Variants in FOXB1 observed in about 807,000 individuals in gnomAD.
FOXB1 encodes forkhead box B1.
A neutral mutation model predicts 18.6 loss-of-function variants in FOXB1; 6 were observed. The ratio of observed to expected loss-of-function variants is 0.32; its 90% CI spans 0.18 to 0.64. The LOEUF is 0.64. Ranked by LOEUF, FOXB1 falls within the 30% of genes least tolerant of loss-of-function variation. The pLI is 0.78. For synonymous variants in FOXB1, 213 were observed against 216.0 expected (o/e 0.99, Z 0.12); for missense variants, 419 against 463.6 (o/e 0.90, Z 0.88).
Position 60,004,931 on chromosome 15 carries a change from C to G in FOXB1, c.-33C>G, listed in dbSNP as rs889259890. The G allele has an allele frequency of 6.3e-7, 1 of 1,586,774 alleles. No individual in the cohort carries two copies. The highest frequency in any genetic ancestry group is 1.3e-5 in the African/African-American group (1 of 74,212). Reference sequence around the variant, plus strand: ...GATCCGAGCAGTCCGCCGGCCCGCGCGGACCCAGAGCAAGAAGAGGGCGAG... The same window carrying G: ...GATCCGAGCAGTCCGCCGGCCCGCGGGGACCCAGAGCAAGAAGAGGGCGAG... On this transcript the variant is annotated 5_prime_UTR_variant, in exon 2 of 2. Transcript: ENST00000396057.
Position 60,006,148 on chromosome 15 carries a change from G to A in FOXB1, c.*207G>A, listed in dbSNP as rs541043502. The A allele has an allele frequency of 2.5e-5, 16 of 634,434 alleles. No individual in the cohort carries two copies. In the South Asian group the frequency reaches 3.5e-4, roughly 14 times the overall value. 39.3% of individuals were successfully genotyped at this position (634,434 alleles called of 1,614,324 possible). A position where few individuals can be genotyped will look rare whatever the true frequency, so the allele number is the denominator to read the frequency against. On this transcript the variant is annotated 3_prime_UTR_variant, in exon 2 of 2. Transcript: ENST00000396057. ...CAGATGGGCCGAGAGGCGCGTGGGA[G>A]TTGTCCTCGCCCCCACATCAAGGAA...
At position 60,006,561 on chromosome 15, in the gene FOXB1, TTTG is replaced by T. The variant is rs1053859679; in HGVS notation, c.*629_*631del. The T allele has an allele frequency of 2.0e-5, 3 of 152,122 alleles. No homozygotes were observed. The highest frequency in any genetic ancestry group is 2.1e-4 in the South Asian group (1 of 4,828). 9.4% of individuals were successfully genotyped at this position (152,122 alleles called of 1,614,324 possible). A position where few individuals can be genotyped will look rare whatever the true frequency, so the allele number is the denominator to read the frequency against. ...CTGCCTCCTAGGCTTCTGCGGAGAT[TTTG>T]TTGTTGTTTGGGGTTTTGTTTCCTT... On this transcript the variant is annotated 3_prime_UTR_variant, in exon 2 of 2. Coordinates refer to ENST00000396057, the MANE Select transcript of FOXB1 (RefSeq NM_012182.3).
Position 60,005,991 on chromosome 15 carries a change from G to T in FOXB1, c.*50G>T, listed in dbSNP as rs745826978. ...CGTTCTCCTCCCCACCACCTCACTC[G>T]CCTTCCCTGGCTCCCAGTCCTGCCG... On this transcript the variant is annotated 3_prime_UTR_variant, in exon 2 of 2. Coordinates refer to ENST00000396057, the MANE Select transcript of FOXB1 (RefSeq NM_012182.3). This position sits in a 1 kb window ranked among gnomAD's most constrained non-coding sequence, Gnocchi z 9.8. The T allele has an allele frequency of 1.3e-4, 190 of 1,502,870 alleles. 1 individual carries two copies. Among genetic ancestry groups the T allele is most frequent in the Middle Eastern group, 2.3e-4 (1 of 4,430 alleles). 93.1% of individuals were successfully genotyped at this position (1,502,870 alleles called of 1,614,324 possible).
In FOXB1 at chr15:60,005,315, G is replaced by C; in HGVS notation, c.352G>C (p.Ala118Pro). The change falls in exon 2 of 2, where the codon GCG (alanine) becomes CCG (proline). Residue 118 changes from alanine to proline, a missense_variant. Ala to Pro is a conservative substitution (Grantham distance 27). Transcript: ENST00000396057. The surrounding 1 kb of genome is among the most constrained non-coding windows in gnomAD (Gnocchi z 9.8). ...CAAGGTGCTTAAGTCCGACCACCTG[G>C]CGCCCAGCAAGCCAGCCGACGCGGC... Reference protein sequence around the residue: ...RFKVLKSDHLAPSKPADAAQY... With the variant: ...RFKVLKSDHLPPSKPADAAQY... 12 of 1,611,362 alleles carry C rather than the reference G, an allele frequency of 7.4e-6. No individual in the cohort carries two copies. Among genetic ancestry groups the C allele is most frequent in the Non-Finnish European group, 1.0e-5 (12 of 1,179,628 alleles).
At position 60,005,649 on chromosome 15, in the gene FOXB1, C is replaced by T. The variant is rs2142156367; in HGVS notation, c.686C>T (p.Thr229Ile). 1 of 1,608,728 alleles carries T rather than the reference C, an allele frequency of 6.2e-7. No homozygotes were observed. Among genetic ancestry groups the T allele is most frequent in the Admixed American group, 1.7e-5 (1 of 59,756 alleles). ...TCCGCCGGCATGATCGACTCGGCCA[C>T]CCCCATCTCCATGGCGAGTGGCGAC... Reference protein sequence around the residue: ...YGSAGMIDSATPISMASGDYS... With the variant: ...YGSAGMIDSAIPISMASGDYS... The change falls in exon 2 of 2, where the codon ACC becomes ATC. Residue 229 changes from threonine to isoleucine, a missense_variant. Transcript: ENST00000396057. This position sits in a 1 kb window ranked among gnomAD's most constrained non-coding sequence, Gnocchi z 9.8.
chr15:60,005,365 G>C lies in FOXB1; in HGVS notation c.402G>C (p.Lys134Asn), dbSNP rs1341627345. 2 of 1,605,994 alleles carry C rather than the reference G, an allele frequency of 1.2e-6. No individual in the cohort carries two copies. The highest frequency in any genetic ancestry group is 2.7e-5 in the African/African-American group (2 of 74,774). The change falls in exon 2 of 2, where the codon AAG becomes AAC. Residue 134 changes from lysine (K) to asparagine (N), a missense_variant. Physicochemically the swap from Lys to Asn is moderately conservative, Grantham distance 94 (BLOSUM62 0). Transcript: ENST00000396057. The surrounding 1 kb of genome is among the most constrained non-coding windows in gnomAD (Gnocchi z 9.8). ...DAAQYLQQQA[K>N]LRLSALAASG... The stretch of plus-strand genomic sequence containing the variant: ...CGCAGTACCTGCAGCAGCAGGCCAA[G>C]CTGCGGCTCAGCGCGCTGGCGGCCT...
chr15:60,006,104 G>A lies in FOXB1; in HGVS notation c.*163G>A. On this transcript the variant is annotated 3_prime_UTR_variant, in exon 2 of 2. Transcript: ENST00000396057. ...CAAGAGAACTTTGTTTTGGACCCAG[G>A]AGACCAAACACAAACTTGCAGATGG... 2 of 911,796 alleles carry A rather than the reference G, an allele frequency of 2.2e-6. No individual in the cohort carries two copies. Among genetic ancestry groups the A allele is most frequent in the Non-Finnish European group, 1.6e-6 (1 of 630,584 alleles). 56.5% of individuals were successfully genotyped at this position (911,796 alleles called of 1,614,324 possible).
Position 60,006,717 on chromosome 15 carries a change from A to G in FOXB1, c.*776A>G, listed in dbSNP as rs1005911803. The G allele has an allele frequency of 1.3e-5, 2 of 152,228 alleles. No homozygotes were observed. The highest frequency in any genetic ancestry group is 2.9e-5 in the Non-Finnish European group (2 of 68,048). The allele number at this position is 152,228 out of a possible 1,614,324, so 9.4% of individuals were successfully genotyped here. ...TTTACAAAGCGCCCAGTAATATGTA[A>G]ACAGTGAACTTGAATCTGTCTTGCT... On this transcript the variant is annotated 3_prime_UTR_variant, in exon 2 of 2. Transcript: ENST00000396057.
rs746904498 is a variant in FOXB1 at position 60,005,100 on chromosome 15, G to A, written c.137G>A (p.Arg46His). 2.5e-6 allele frequency: 4 copies of A among 1,614,022 alleles called. No homozygotes were observed. The highest frequency in any genetic ancestry group is 2.2e-5 in the East Asian group (1 of 44,896). Residue 46 changes from arginine to histidine, a missense_variant, in exon 2 of 2, where the codon CGC (arginine) becomes CAC (histidine). Transcript: ENST00000396057. The surrounding 1 kb of genome is among the most constrained non-coding windows in gnomAD (Gnocchi z 9.8). Reference protein sequence around the residue: ...LSEIYKFIMDRFPYYRENTQR... With the variant: ...LSEIYKFIMDHFPYYRENTQR... ...GAGATCTACAAGTTCATCATGGACC[G>A]CTTCCCCTACTACAGGGAGAACACG... is the stretch of plus-strand genomic sequence containing the variant.
rs748745364 is a variant in FOXB1 at position 60,005,440 on chromosome 15, C to G, written c.477C>G (p.Gly159=). The G allele has an allele frequency of 1.2e-6, 2 of 1,610,524 alleles. No homozygotes were observed. The highest frequency in any genetic ancestry group is 1.7e-6 in the Non-Finnish European group (2 of 1,179,038). ...QMPAAAYNLG[G]VAQPSGFKHP... is the part of the protein sequence containing the mutation. ...CCGCCGCCGCCTACAACTTGGGCGG[C>G]GTGGCGCAGCCCTCGGGCTTCAAGC... The change falls in exon 2 of 2, where the codon GGC becomes GGG. Residue 159 remains glycine, a synonymous_variant. Coordinates refer to ENST00000396057, the MANE Select transcript of FOXB1 (RefSeq NM_012182.3). The surrounding 1 kb of genome is among the most constrained non-coding windows in gnomAD (Gnocchi z 9.8).
Position 60,005,791 on chromosome 15 carries a change from G to A in FOXB1, c.828G>A (p.Leu276=), listed in dbSNP as rs61758961. The change falls in exon 2 of 2, where the codon CTG becomes CTA. Residue 276 remains leucine (L), a synonymous_variant. Transcript: ENST00000396057. The surrounding 1 kb of genome is among the most constrained non-coding windows in gnomAD (Gnocchi z 9.8). ...CCGCCGTGCCCGCGCTGCCTGCGCT[G>A]CCAGCGCCCATCCCCACCTTGCTCT... is the stretch of plus-strand genomic sequence containing the variant. The part of the protein sequence containing the change: ...TPAAVPALPA[L]PAPIPTLLSN... 5.8e-4 allele frequency: 930 copies of A among 1,604,466 alleles called. No individual in the cohort carries two copies. The highest frequency in any genetic ancestry group is 7.4e-4 in the Non-Finnish European group (871 of 1,177,412).
chr15:60,007,326 T>C lies in FOXB1; in HGVS notation c.*1385T>C, dbSNP rs1031276604. 6.6e-6 allele frequency: 1 copy of C among 152,176 alleles called. No individual in the cohort carries two copies. Among genetic ancestry groups the C allele is most frequent in the Admixed American group, 6.5e-5 (1 of 15,282 alleles). 9.4% of individuals were successfully genotyped at this position (152,176 alleles called of 1,614,324 possible). On this transcript the variant is annotated 3_prime_UTR_variant, in exon 2 of 2. Transcript: ENST00000396057. The stretch of plus-strand genomic sequence containing the variant: ...AGAATTAGCGTGGCATTTTAAATAT[T>C]GATGTTCTTGTTCCCAGCATGCCTG...
In FOXB1 at chr15:60,005,337, C is replaced by G. The variant is rs1359430528; in HGVS notation, c.374C>G (p.Ala125Gly). Residue 125 changes from alanine to glycine, a missense_variant, in exon 2 of 2, where the codon GCG becomes GGG. Physicochemically the swap from Ala to Gly is moderately conservative, Grantham distance 60. This residue lies in a region of FOXB1 where 71 missense variants were observed against 110.0 expected (regional missense o/e 0.65). Coordinates refer to ENST00000396057, the MANE Select transcript of FOXB1 (RefSeq NM_012182.3). This position sits in a 1 kb window ranked among gnomAD's most constrained non-coding sequence, Gnocchi z 9.8. Reference protein sequence around the residue: ...DHLAPSKPADAAQYLQQQAKL... With the variant: ...DHLAPSKPADGAQYLQQQAKL... ...CTGGCGCCCAGCAAGCCAGCCGACGCGGCGCAGTACCTGCAGCAGCAGGCC... is the reference window on the plus strand; with the variant it reads ...CTGGCGCCCAGCAAGCCAGCCGACGGGGCGCAGTACCTGCAGCAGCAGGCC... 3 of 1,610,330 alleles carry G rather than the reference C, an allele frequency of 1.9e-6. No individual in the cohort carries two copies. Among genetic ancestry groups the G allele is most frequent in the Non-Finnish European group, 1.7e-6 (2 of 1,179,210 alleles).
chr15:60,005,775 C>G lies in FOXB1; in HGVS notation c.812C>G (p.Pro271Arg). Reference protein sequence around the residue: ...VPIKPTPAAVPALPALPAPIP... With the variant: ...VPIKPTPAAVRALPALPAPIP... ...ATTAAGCCCACGCCGGCCGCCGTGC[C>G]CGCGCTGCCTGCGCTGCCAGCGCCC... Residue 271 changes from proline (P) to arginine (R), a missense_variant, in exon 2 of 2, where the codon CCC (proline) becomes CGC (arginine). By Grantham distance (103) the Pro-to-Arg change is moderately radical. Coordinates refer to ENST00000396057, the MANE Select transcript of FOXB1 (RefSeq NM_012182.3). The surrounding 1 kb of genome is among the most constrained non-coding windows in gnomAD (Gnocchi z 9.8). 6.2e-7 allele frequency: 1 copy of G among 1,602,834 alleles called. No individual in the cohort carries two copies.
chr15:60,006,267 G>A lies in FOXB1; in HGVS notation c.*326G>A, dbSNP rs761803708. On this transcript the variant is annotated 3_prime_UTR_variant, in exon 2 of 2. Coordinates refer to ENST00000396057, the MANE Select transcript of FOXB1 (RefSeq NM_012182.3). ...GGGGAAACCCTGTCACCCCCTCTTC[G>A]CCGAGAAAAGCGCGTCTTCCCTCCG... The A allele has an allele frequency of 4.7e-5, 18 of 382,674 alleles. No individual in the cohort carries two copies. The highest frequency in any genetic ancestry group is 7.0e-5 in the Non-Finnish European group (15 of 214,454). 23.7% of individuals were successfully genotyped at this position (382,674 alleles called of 1,614,324 possible).
rs1892094678 is a variant in FOXB1 at position 60,006,188 on chromosome 15, G to C, written c.*247G>C. On this transcript the variant is annotated 3_prime_UTR_variant, in exon 2 of 2. Coordinates refer to ENST00000396057, the MANE Select transcript of FOXB1 (RefSeq NM_012182.3). ...ACATCAAGGAAGGCCGGGGCCACCTGAGCCGAACCATCCCCTCCCTGAGGC... is the reference window on the plus strand; with the variant it reads ...ACATCAAGGAAGGCCGGGGCCACCTCAGCCGAACCATCCCCTCCCTGAGGC... 1 of 517,526 alleles carries C rather than the reference G, an allele frequency of 1.9e-6. No individual in the cohort carries two copies. The allele number at this position is 517,526 out of a possible 1,614,324, so 32.1% of individuals were successfully genotyped here.
chr15:60,005,404 G>T lies in FOXB1; in HGVS notation c.441G>T (p.Leu147=). The T allele has an allele frequency of 6.2e-7, 1 of 1,606,130 alleles. No individual in the cohort carries two copies. The highest frequency in any genetic ancestry group is 8.5e-7 in the Non-Finnish European group (1 of 1,177,250). Residue 147 remains leucine (L), a synonymous_variant, in exon 2 of 2, where the codon CTG becomes CTT. Transcript: ENST00000396057. This position sits in a 1 kb window ranked among gnomAD's most constrained non-coding sequence, Gnocchi z 9.8. ...LSALAASGTH[L]PQMPAAAYNL... Reference sequence around the variant, plus strand: ...CGCTGGCGGCCTCGGGCACGCACCTGCCACAGATGCCCGCCGCCGCCTACA... The same window carrying T: ...CGCTGGCGGCCTCGGGCACGCACCTTCCACAGATGCCCGCCGCCGCCTACA...
At chr15:60,004,802 C>CTGGGGGGGGGGGGGGGG in intron 1 of FOXB1, 105 bp from the exon 2 acceptor site, 3 of 337,666 alleles carry the variant, frequency 8.9e-6, no homozygotes, top group Non-Finnish European at 1.1e-5. Flanking sequence ...TCGAGCGCCG[C>CTGGGGGGGGGGGGGGGG]AGGCCCCACC....
chr15:60,004,802 C>CGGGGGGGGGGGGGGGG, intron 1 of FOXB1, 105 bp from the exon 2 acceptor site: 1 of 337,666 alleles, frequency 3.0e-6, no homozygotes, highest in Non-Finnish European at 5.6e-6. Context: ...TCGAGCGCCG[C>CGGGGGGGGGGGGGGGG]AGGCCCCACC....
Sources: allele counts gnomAD v4.1 joint callset, GRCh38; gene constraint gnomAD v4.1.1; regional missense constraint gnomAD v4.1.1; non-coding constraint Gnocchi (gnomAD v3.1); transcripts MANE v1.5; gene names NCBI Gene and HGNC (gene_info 2026-07-23, HGNC 2026-07-21).